The following TUNAR variants were observed in gnomAD, a reference collection of about 807,000 sequenced individuals.
The protein encoded by TUNAR is protein TUNAR.
At chr14:95,896,351 G>T (rs923607979) in intron 2 of TUNAR, among the ~76,000 whole-genome samples, 2 of 152,218 alleles carry the variant, frequency 1.3e-5, no homozygotes, top group Admixed American at 6.5e-5. Flanking sequence ...TAGAGATTGG[G>T]CTGTTCCAGC....
chr14:95,920,956 G>A (rs1259813146), intron 2 of TUNAR, among the ~76,000 whole-genome samples: 1 of 152,204 alleles, frequency 6.6e-6, no homozygotes, highest in Non-Finnish European at 1.5e-5. Flanking sequence ...GGGAGACCCA[G>A]GATGGCCAGT....
intron 2 of TUNAR, among the ~76,000 whole-genome samples, chr14:95,883,893 G>C (rs995619588): frequency 6.6e-6 from 1 of 152,148 alleles, no homozygotes; most frequent in Non-Finnish European, 1.5e-5. Context: ...AACTCCTGGG[G>C]ATGGGGGTGC....
chr14:95,905,163 C>T (rs1889411400), intron 2 of TUNAR, among the ~76,000 whole-genome samples: 2 of 152,208 alleles, frequency 1.3e-5, no homozygotes, highest in Admixed American at 6.5e-5. Context: ...GTCATTTCCG[C>T]ACCCAGTGGC....
chr14:95,880,561 T>C (rs932577514), intron 2 of TUNAR, among the ~76,000 whole-genome samples: 1 of 152,202 alleles, frequency 6.6e-6, no homozygotes, highest in Non-Finnish European at 1.5e-5. Context: ...ACATTCTATC[T>C]GTGTAGCTTT....
At chr14:95,918,964 G>A (rs1046234160) in intron 2 of TUNAR, among the ~76,000 whole-genome samples, 3 of 152,138 alleles carry the variant, frequency 2.0e-5, no homozygotes, top group Non-Finnish European at 4.4e-5. Context: ...CCGGCATCAC[G>A]CTTGGAGGTG....
intron 2 of TUNAR, among the ~76,000 whole-genome samples, chr14:95,882,553 C>A (rs994449918): frequency 6.6e-6 from 1 of 152,208 alleles, no homozygotes; most frequent in East Asian, 1.9e-4. Flanking sequence ...CTAAGTCCTT[C>A]GTGGTGGCTA....
At chr14:95,888,002 G>T (rs1298249187) in intron 2 of TUNAR, among the ~76,000 whole-genome samples, 3 of 152,204 alleles carry the variant, frequency 2.0e-5, no homozygotes, top group African/African-American at 7.2e-5. Flanking sequence ...ACAGGATTTT[G>T]ATGGCTGTCA....
At chr14:95,905,067 C>T (rs961339676) in intron 2 of TUNAR, among the ~76,000 whole-genome samples, 25 of 152,198 alleles carry the variant, frequency 1.6e-4, no homozygotes, top group African/African-American at 5.8e-4. Context: ...AGCAAAGGCC[C>T]TGGTGGTTTG....
chr14:95,913,245 C>T (rs61379513), intron 2 of TUNAR, among the ~76,000 whole-genome samples: 31,790 of 150,980 alleles, frequency 0.21, 4,414 homozygotes, highest in African/African-American at 0.39. Flanking sequence ...TTGCTGCACC[C>T]ATCAACCCAT....
At chr14:95,912,691 A>G (rs112658922) in intron 2 of TUNAR, among the ~76,000 whole-genome samples, 4,045 of 151,730 alleles carry the variant, frequency 0.027, 191 homozygotes, top group African/African-American at 0.091. Context: ...ACAAAAATAA[A>G]CTATTTAATA....
At chr14:95,900,488 G>GC (rs143173645) in intron 2 of TUNAR, among the ~76,000 whole-genome samples, 10,194 of 152,304 alleles carry the variant, frequency 0.067, 1,122 homozygotes, top group African/African-American at 0.23. Context: ...CAAGTGCCAG[G>GC]CCCATCCCAG....
intron 2 of TUNAR, among the ~76,000 whole-genome samples, chr14:95,907,784 G>T (rs1320835641): frequency 6.6e-6 from 1 of 152,116 alleles, no homozygotes; most frequent in East Asian, 1.9e-4. Context: ...CAGAGAGGAG[G>T]CCCTGAAGAG....
At chr14:95,922,099 TG>T (rs1235037933) in intron 2 of TUNAR, among the ~76,000 whole-genome samples, 1 of 152,264 alleles carries the variant, frequency 6.6e-6, no homozygotes, top group Non-Finnish European at 1.5e-5. Context: ...GGGTATAACC[TG>T]GCAGAGCAGG....
intron 2 of TUNAR, among the ~76,000 whole-genome samples, chr14:95,884,826 G>A (rs970793179): frequency 2.0e-4 from 31 of 151,762 alleles, no homozygotes; most frequent in Admixed American, 2.0e-4. Flanking sequence ...TCCGACTGCC[G>A]CTCTTGCTTA....
intron 2 of TUNAR, among the ~76,000 whole-genome samples, chr14:95,899,257 T>G (rs919862198): frequency 1.3e-5 from 2 of 152,132 alleles, no homozygotes; most frequent in African/African-American, 2.4e-5. Flanking sequence ...GGATGGTTGG[T>G]GGCTTCTCAT....
intron 2 of TUNAR, among the ~76,000 whole-genome samples, chr14:95,916,156 G>A (rs1389935494): frequency 6.6e-6 from 1 of 152,212 alleles, no homozygotes; most frequent in Admixed American, 6.5e-5. Context: ...AGTATAAAGA[G>A]CAAGCGCTCA....
chr14:95,908,130 G>A (rs1305586440), intron 2 of TUNAR, among the ~76,000 whole-genome samples: 2 of 152,224 alleles, frequency 1.3e-5, no homozygotes, highest in Non-Finnish European at 2.9e-5. Flanking sequence ...TCAGGAATCT[G>A]TCTGCCTCCT....
intron 2 of TUNAR, among the ~76,000 whole-genome samples, chr14:95,902,176 A>C (rs970098251): frequency 6.6e-6 from 1 of 152,118 alleles, no homozygotes; most frequent in Non-Finnish European, 1.5e-5. Flanking sequence ...CCAGTGTAGC[A>C]CCTTATAGCA....
chr14:95,905,858 C>T lies in TUNAR; in HGVS notation c.13-16923C>T, dbSNP rs1246617379. Among the ~76,000 whole-genome samples the T allele has an allele frequency of 2.0e-5, 3 of 152,176 alleles. No individual in the cohort carries two copies. The East Asian group carries it at 5.8e-4, about 29-fold the overall frequency. On this transcript the variant is annotated intron_variant, in intron 2 of 2. Coordinates refer to ENST00000678517, the Ensembl canonical transcript of TUNAR. ...AACTCTACTGTAAGAAAGAATTGGT[C>T]TTTCTCCCCCATTTATGTATGTGAT...
Sources: allele counts gnomAD v4.1 joint callset (sites outside exome capture counted in the v4.1 genomes callset), GRCh38; gene constraint gnomAD v4.1.1; transcripts MANE v1.5; gene names NCBI Gene and HGNC (gene_info 2026-07-23, HGNC 2026-07-21).